Variants in KIF16B observed in about 807,000 individuals in gnomAD.
KIF16B encodes the protein kinesin family member 16B, also known as kinesin-like protein KIF16B.
In KIF16B, 98 loss-of-function variants were observed where a neutral mutation model predicts 156.3. That is an observed-to-expected ratio of 0.63 (90% CI 0.53 to 0.74). KIF16B has a LOEUF of 0.74. Ranked by LOEUF, KIF16B falls within the 30% of genes least tolerant of loss-of-function variation. KIF16B has a pLI of 0.00. For synonymous variants in KIF16B, 564 were observed against 583.7 expected, an observed-to-expected ratio of 0.97 and a Z score of 0.49; for missense variants, 1,421 against 1,606.5, an observed-to-expected ratio of 0.88 and a Z score of 1.97.
intron 12 of KIF16B, among the ~76,000 whole-genome samples, chr20:16,471,758 A>G (rs942960263): frequency 9.2e-5 from 14 of 152,198 alleles, no homozygotes; most frequent in Non-Finnish European, 8.8e-5. Flanking sequence ...TAAAGTGATT[A>G]CTACACGTAC....
At chr20:16,502,201 TA>T in intron 10 of KIF16B, among the ~76,000 whole-genome samples, 1 of 151,792 alleles carries the variant, frequency 6.6e-6, no homozygotes, top group East Asian at 1.9e-4. Context: ...TAGCTGTGCT[TA>T]AAAAAAATAA....
At chr20:16,495,689 T>C (rs534770456) in intron 11 of KIF16B, among the ~76,000 whole-genome samples, 1 of 152,204 alleles carries the variant, frequency 6.6e-6, no homozygotes, top group Non-Finnish European at 1.5e-5. Flanking sequence ...GTTGTTGTTG[T>C]CTTTGGTTTT....
Position 16,356,351 on chromosome 20 carries a change from T to C in KIF16B, c.3600A>G (p.Ala1200=). Residue 1200 remains alanine (A), a synonymous_variant, in exon 23 of 26, where the codon GCA becomes GCG. Transcript: ENST00000354981. ...RYVLCGQGKD[A]HFEFEVKITV... ...TCACCTTGACCTCAAACTCGAAGTGTGCATCCTTTCCTTGCCCGCAGAGGA... is the reference window on the plus strand; with the variant it reads ...TCACCTTGACCTCAAACTCGAAGTGCGCATCCTTTCCTTGCCCGCAGAGGA... The C allele has an allele frequency of 2.5e-6, 4 of 1,614,160 alleles. No homozygotes were observed. The highest frequency in any genetic ancestry group is 1.1e-5 in the South Asian group (1 of 91,082).
chr20:16,535,984 TGGGTA>T (rs1206688358), intron 1 of KIF16B, among the ~76,000 whole-genome samples: 1 of 152,204 alleles, frequency 6.6e-6, no homozygotes, highest in African/African-American at 2.4e-5. Context: ...ATCTGACTAC[TGGGTA>T]TTTATCCAAA....
intron 1 of KIF16B, among the ~76,000 whole-genome samples, chr20:16,572,590 A>G (rs1281465008): frequency 1.3e-5 from 2 of 152,274 alleles, no homozygotes; most frequent in East Asian, 3.8e-4. Context: ...CTGAAAAAGC[A>G]TTACTTCGTA....
chr20:16,515,508 T>C, intron 4 of KIF16B, 40 bp downstream of exon 4: 1 of 1,038,592 alleles, frequency 9.6e-7, no homozygotes, highest in Non-Finnish European at 1.5e-6. Flanking sequence ...CAGAGAAAGA[T>C]AATGAGAAAT....
At chr20:16,281,400 T>C (rs998400976) in intron 25 of KIF16B, among the ~76,000 whole-genome samples, 1 of 152,140 alleles carries the variant, frequency 6.6e-6, no homozygotes, top group African/African-American at 2.4e-5. Context: ...GCCCTGAAGA[T>C]GGATCAGGCC....
rs1355098442 is a variant in KIF16B at position 16,508,048 on chromosome 20, A to G, written c.609T>C (p.Asp203=). The change falls in exon 7 of 26, where the codon GAT becomes GAC. Residue 203 remains aspartate, a synonymous_variant. Coordinates refer to ENST00000354981, the MANE Select transcript of KIF16B (RefSeq NM_024704.5). ...CGGTGGTCCGGTTGATATTGCCCGC[A>G]TCCATAAGTTCTTCTACGTCACCAT... ...QNYGDVEELM[D]AGNINRTTAA... The G allele has an allele frequency of 5.6e-6, 9 of 1,614,042 alleles. No homozygotes were observed. Among genetic ancestry groups the G allele is most frequent in the Non-Finnish European group, 7.6e-6 (9 of 1,180,010 alleles).
In KIF16B at chr20:16,495,507, G is replaced by A. The variant is rs180713386; in HGVS notation, c.1243-1157C>T. Among the ~76,000 whole-genome samples the A allele has an allele frequency of 3.0e-4, 45 of 152,250 alleles. No homozygotes were observed. The Middle Eastern group carries it at 0.014, about 46-fold the overall frequency. On this transcript the variant is annotated intron_variant, in intron 11 of 25. Transcript: ENST00000354981. ...CATTCACCTATAGTCAATCATTCAGGGGTCCTCAATTTACCTCAAATAAGA... is the reference window on the plus strand; with the variant it reads ...CATTCACCTATAGTCAATCATTCAGAGGTCCTCAATTTACCTCAAATAAGA...
In KIF16B at chr20:16,273,414, G is replaced by A; in HGVS notation, c.3796-3C>T. On this transcript the variant is annotated splice_region_variant and splice_polypyrimidine_tract_variant and intron_variant, in intron 25 of 25. Transcript: ENST00000354981. ...CTGAAAAAGTCCCTGAGGTATTTCT[G>A]TGGAAGAGACAAGAGTTAAGAACAT... 1 of 1,613,946 alleles carries A rather than the reference G, an allele frequency of 6.2e-7. No homozygotes were observed. The highest frequency in any genetic ancestry group is 1.1e-5 in the South Asian group (1 of 91,064).
intron 21 of KIF16B, among the ~76,000 whole-genome samples, chr20:16,371,194 T>C (rs1399791652): frequency 6.6e-6 from 1 of 152,184 alleles, no homozygotes; most frequent in Non-Finnish European, 1.5e-5. Context: ...CCAAGCAATA[T>C]TTAATATTTT....
At chr20:16,453,213 T>A (rs189418179) in intron 12 of KIF16B, among the ~76,000 whole-genome samples, 55 of 152,172 alleles carry the variant, frequency 3.6e-4, no homozygotes, top group Middle Eastern at 3.4e-3. Flanking sequence ...AAGGCTGCAG[T>A]GAGCTATGAT....
intron 25 of KIF16B, among the ~76,000 whole-genome samples, chr20:16,273,867 A>G (rs2063020501): frequency 6.6e-6 from 1 of 152,120 alleles, no homozygotes; most frequent in Non-Finnish European, 1.5e-5. Context: ...CGGAGTCACA[A>G]AATACATATG....
chr20:16,504,323 G>T (rs1297391372), intron 10 of KIF16B, 49 bp downstream of exon 10: 5 of 1,557,428 alleles, frequency 3.2e-6, no homozygotes, highest in Non-Finnish European at 4.4e-6. Flanking sequence ...TCTAGAAATA[G>T]ATGCCATTAC....
chr20:16,429,119 G>T, intron 13 of KIF16B, 115 bp from the exon 14 acceptor site: 1 of 843,310 alleles, frequency 1.2e-6, no homozygotes, highest in Non-Finnish European at 2.0e-6. Context: ...CAACATCCTG[G>T]CAGGCCACAG....
At chr20:16,471,087 G>A (rs6043980) in intron 12 of KIF16B, among the ~76,000 whole-genome samples, 33,577 of 151,978 alleles carry the variant, frequency 0.22, 3,797 homozygotes, top group Admixed American at 0.26. Flanking sequence ...ACTGAACGAG[G>A]TTTTGAACAG....
At chr20:16,408,914 G>A (rs915754157) in intron 15 of KIF16B, among the ~76,000 whole-genome samples, 3 of 152,076 alleles carry the variant, frequency 2.0e-5, no homozygotes, top group Non-Finnish European at 1.5e-5. Flanking sequence ...TGATGCCACT[G>A]TTCATTCAGC....
intron 17 of KIF16B, among the ~76,000 whole-genome samples, chr20:16,388,086 C>G (rs957253735): frequency 6.6e-6 from 1 of 152,004 alleles, no homozygotes; most frequent in Non-Finnish European, 1.5e-5. Flanking sequence ...AAGCAAAATG[C>G]CTTTAGTAAA....
chr20:16,409,749 G>C (rs1209456774), intron 15 of KIF16B, among the ~76,000 whole-genome samples: 1 of 151,468 alleles, frequency 6.6e-6, no homozygotes, highest in Non-Finnish European at 1.5e-5. Context: ...TCTGGGTTCT[G>C]GAATGCATCA....
Sources: allele counts gnomAD v4.1 joint callset (sites outside exome capture counted in the v4.1 genomes callset), GRCh38; gene constraint gnomAD v4.1.1; transcripts MANE v1.5; gene names NCBI Gene and HGNC (gene_info 2026-07-23, HGNC 2026-07-21).